The following KCNT2 variants were observed in gnomAD, a reference collection of about 807,000 sequenced individuals.
KCNT2 encodes potassium sodium-activated channel subfamily T member 2, also known as potassium channel subfamily T member 2.
A neutral mutation model predicts 153.8 loss-of-function variants in KCNT2; 67 were observed. The observed-to-expected ratio is 0.44, with a 90% CI of 0.36 to 0.53. The LOEUF is 0.53. Ranked by LOEUF, KCNT2 falls within the 20% of genes least tolerant of loss-of-function variation. KCNT2 has a pLI of 0.00. For missense variants in KCNT2, 975 were observed against 1,354.8 expected (o/e 0.72, Z 4.40); for synonymous variants, 500 against 458.8 (o/e 1.09, Z -1.15).
At chr1:196,382,636 A>C (rs2147469) in intron 13 of KCNT2, among the ~76,000 whole-genome samples, 11 of 151,884 alleles carry the variant, frequency 7.2e-5, no homozygotes, top group African/African-American at 2.7e-4. Context: ...AAGGAAATCC[A>C]TCAATTATAA....
intron 8 of KCNT2, among the ~76,000 whole-genome samples, chr1:196,462,146 G>C (rs960399369): frequency 4.6e-5 from 7 of 151,558 alleles, no homozygotes; most frequent in Non-Finnish European, 8.9e-5. Context: ...CCAAAAAATA[G>C]TTCACTTTTA....
intron 1 of KCNT2, among the ~76,000 whole-genome samples, chr1:196,556,283 G>A (rs1658647845): frequency 6.6e-6 from 1 of 151,284 alleles, no homozygotes; most frequent in African/African-American, 2.4e-5. Flanking sequence ...AATATAAAGA[G>A]GTCAAACAAC....
chr1:196,249,713 C>T (rs560925960), intron 26 of KCNT2, among the ~76,000 whole-genome samples: 21 of 151,470 alleles, frequency 1.4e-4, no homozygotes, highest in African/African-American at 3.4e-4. Flanking sequence ...GCGAAGGTTA[C>T]GTAGTGAGCT....
At chr1:196,316,173 G>C in intron 20 of KCNT2, 147 bp from the exon 21 acceptor site, 1 of 458,490 alleles carries the variant, frequency 2.2e-6, no homozygotes, top group African/African-American at 2.0e-5. Flanking sequence ...CTATTAAAGG[G>C]AATTATGATA....
chr1:196,553,806 T>C (rs937656516), intron 1 of KCNT2, among the ~76,000 whole-genome samples: 5 of 151,044 alleles, frequency 3.3e-5, no homozygotes, highest in African/African-American at 1.2e-4. Flanking sequence ...GGAATAAAAC[T>C]ATAAATCAAT....
rs1033492285 is a variant in KCNT2 at position 196,280,780 on chromosome 1, A to G, written c.2910+80T>C. On this transcript the variant is annotated intron_variant, in intron 25 of 27. Transcript: ENST00000294725. ...TTTTTCACTTTCTCTTGCATTTTTT[A>G]TAAATCAGTTTATAAGCTTATGAAT... 1.8e-5 allele frequency: 23 copies of G among 1,302,118 alleles called. No homozygotes were observed. The African/African-American group carries it at 1.8e-4, about 10-fold the overall frequency. The allele number at this position is 1,302,118 out of a possible 1,614,324, so 80.7% of individuals were successfully genotyped here.
At chr1:196,362,485 T>A (rs557817633) in intron 14 of KCNT2, among the ~76,000 whole-genome samples, 1 of 152,254 alleles carries the variant, frequency 6.6e-6, no homozygotes, top group South Asian at 2.1e-4. Flanking sequence ...ATTGAAGGCT[T>A]CTGTCTGGTG....
At position 196,531,952 on chromosome 1, in the gene KCNT2, T is replaced by C. The variant is rs569692653; in HGVS notation, c.96-39611A>G. On this transcript the variant is annotated intron_variant, in intron 1 of 27. Transcript: ENST00000294725. ...TAGGTTTATCTGTGAGTCAGCTCTC[T>C]TACTCCCATTATCTATAGCTACCAA... Among the ~76,000 whole-genome samples, 38 of 152,200 alleles carry C rather than the reference T, an allele frequency of 2.5e-4. No homozygotes were observed. In the South Asian group the frequency reaches 7.5e-3, roughly 30 times the overall value.
At chr1:196,394,045 C>T (rs1670711466) in intron 13 of KCNT2, among the ~76,000 whole-genome samples, 1 of 151,410 alleles carries the variant, frequency 6.6e-6, no homozygotes, top group African/African-American at 2.4e-5. Flanking sequence ...TAACCAAAGC[C>T]ACGCTAACAT....
intron 3 of KCNT2, among the ~76,000 whole-genome samples, chr1:196,487,624 A>G (rs1237254849): frequency 6.6e-6 from 1 of 152,032 alleles, no homozygotes; most frequent in Non-Finnish European, 1.5e-5. Flanking sequence ...AAAAAAGAAG[A>G]AAAGGTCTGC....
intron 1 of KCNT2, among the ~76,000 whole-genome samples, chr1:196,601,160 C>T (rs116758849): frequency 6.6e-6 from 1 of 152,178 alleles, no homozygotes. Flanking sequence ...GCAAGCTGCT[C>T]CTTAGCCTGA....
intron 1 of KCNT2, among the ~76,000 whole-genome samples, chr1:196,506,432 A>T (rs1014944910): frequency 3.9e-5 from 6 of 152,166 alleles, no homozygotes; most frequent in Admixed American, 3.3e-4. Flanking sequence ...ATAATCATTT[A>T]CTTGGGAAAA....
intron 22 of KCNT2, among the ~76,000 whole-genome samples, chr1:196,295,950 G>C (rs1660639177): frequency 6.6e-6 from 1 of 151,914 alleles, no homozygotes; most frequent in African/African-American, 2.4e-5. Flanking sequence ...ATTAACAGGA[G>C]TGCATATGAA....
chr1:196,504,052 CTT>C (rs1216200946), intron 1 of KCNT2, among the ~76,000 whole-genome samples: 4 of 152,118 alleles, frequency 2.6e-5, no homozygotes, highest in Admixed American at 1.3e-4. Context: ...TATAATTTCA[CTT>C]AATACAAACT....
chr1:196,396,736 G>C (rs75890528), intron 13 of KCNT2, among the ~76,000 whole-genome samples: 3,038 of 151,476 alleles, frequency 0.02, 101 homozygotes, highest in African/African-American at 0.069. Context: ...TGAGATAAAT[G>C]GTTGGGATAG....
chr1:196,502,113 T>C (rs923795032), intron 1 of KCNT2, among the ~76,000 whole-genome samples: 3 of 152,158 alleles, frequency 2.0e-5, no homozygotes, highest in Middle Eastern at 3.2e-3. Flanking sequence ...CAAGACTCCA[T>C]CTCAAAAATA....
chr1:196,491,216 G>A (rs1432803279), intron 2 of KCNT2, among the ~76,000 whole-genome samples: 1 of 151,930 alleles, frequency 6.6e-6, no homozygotes, highest in Non-Finnish European at 1.5e-5. Context: ...CAGATGATGT[G>A]ACCCCTTTAG....
At chr1:196,537,704 T>C (rs1655771345) in intron 1 of KCNT2, among the ~76,000 whole-genome samples, 1 of 152,230 alleles carries the variant, frequency 6.6e-6, no homozygotes, top group African/African-American at 2.4e-5. Flanking sequence ...GGGCATTTTC[T>C]AGAATTGCTG....
intron 26 of KCNT2, among the ~76,000 whole-genome samples, chr1:196,241,832 A>G (rs1331083975): frequency 1.3e-5 from 2 of 152,080 alleles, no homozygotes; most frequent in African/African-American, 4.8e-5. Context: ...TTAAAAACCT[A>G]TGTCACTACC....
Sources: gnomAD v4.1 joint callset for allele counts (sites outside exome capture counted in the v4.1 genomes callset) on GRCh38, gnomAD v4.1.1 for gene constraint, MANE v1.5 for transcripts, NCBI Gene and HGNC (gene_info 2026-07-23, HGNC 2026-07-21) for gene names.